The following THBS2 variants were observed in gnomAD, a reference collection of about 807,000 sequenced individuals.
THBS2 encodes the protein thrombospondin 2.
A neutral mutation model predicts 135.2 loss-of-function variants in THBS2; 47 were observed. The observed-to-expected ratio is 0.35, with a 90% CI of 0.28 to 0.44. THBS2 has a LOEUF of 0.44. Ranked by LOEUF, THBS2 falls within the 20% of genes least tolerant of loss-of-function variation. The pLI is 1.00. For synonymous variants in THBS2, 639 were observed against 633.8 expected (o/e 1.01, Z -0.12); for missense variants, 1,288 against 1,603.1 (o/e 0.80, Z 3.36).
chr6:169,217,778 C>T lies in THBS2; in HGVS notation c.*44G>A. ...CACAATGAACTGAGGTGTCTAGGGA[C>T]CATGGCATGCACAGGGCATTGCCGG... On this transcript the variant is annotated 3_prime_UTR_variant, in exon 22 of 22. Transcript: ENST00000617924. The T allele has an allele frequency of 6.2e-7, 1 of 1,607,948 alleles. No homozygotes were observed. The highest frequency in any genetic ancestry group is 8.5e-7 in the Non-Finnish European group (1 of 1,177,102).
chr6:169,218,618 AATGGATGGATGGATGAGATGG>A (rs1779281553), intron 21 of THBS2, among the ~76,000 whole-genome samples: 1 of 109,018 alleles, frequency 9.2e-6, no homozygotes, highest in African/African-American at 3.7e-5. Context: ...TGGATGGATG[AATGGATGGATGGATGAGATGG>A]ATGGTTGGGT....
Position 169,216,866 on chromosome 6 carries a change from C to T in THBS2, c.*956G>A, listed in dbSNP as rs1355888152. 6.6e-6 allele frequency: 1 copy of T among 152,164 alleles called. No individual in the cohort carries two copies. The highest frequency in any genetic ancestry group is 2.4e-5 in the African/African-American group (1 of 41,438). 9.4% of individuals were successfully genotyped at this position (152,164 alleles called of 1,614,324 possible). ...TAACTGGAACCTTAATGAAATGTAT[C>T]ATCAAATCAGGTAAAAGCAACTTGT... On this transcript the variant is annotated 3_prime_UTR_variant, in exon 22 of 22. Coordinates refer to ENST00000617924, the MANE Select transcript of THBS2 (RefSeq NM_003247.5).
intron 21 of THBS2, among the ~76,000 whole-genome samples, chr6:169,218,679 AGATGGATGGATGG>A (rs1779287108): frequency 7.7e-6 from 1 of 129,616 alleles, no homozygotes; most frequent in African/African-American, 3.1e-5. Flanking sequence ...GCGGATGAGT[AGATGGATGGATGG>A]GATGGATGGA....
At position 169,223,482 on chromosome 6, in the gene THBS2, A is replaced by C. The variant is rs1397075143; in HGVS notation, c.2774-7T>G. 1.9e-6 allele frequency: 3 copies of C among 1,609,526 alleles called. No homozygotes were observed. In the African/African-American group the frequency reaches 4.0e-5, roughly 22 times the overall value. Reference sequence around the variant, plus strand: ...ATATCACCCCGTCCATCACCTATGCACAAAGAACAAGCAAAAACAAAAACA... The same window carrying C: ...ATATCACCCCGTCCATCACCTATGCCCAAAGAACAAGCAAAAACAAAAACA... On this transcript the variant is annotated splice_polypyrimidine_tract_variant and splice_region_variant and intron_variant, in intron 17 of 21. Transcript: ENST00000617924.
chr6:169,232,523 C>A, intron 12 of THBS2, 141 bp downstream of exon 12: 1 of 1,400,770 alleles, frequency 7.1e-7, no homozygotes, highest in South Asian at 1.4e-5. Flanking sequence ...CGAGCAGGTG[C>A]TCAGCTTCCC....
At chr6:169,242,850 C>T (rs1780389375) in intron 4 of THBS2, among the ~76,000 whole-genome samples, 1 of 23,718 alleles carries the variant, frequency 4.2e-5, no homozygotes, top group Admixed American at 6.0e-4. Flanking sequence ...CTTCCCACTG[C>T]TCCCACCTTC....
chr6:169,226,240 C>G lies in THBS2; in HGVS notation c.2478G>C (p.Thr826=). Residue 826 remains threonine, a synonymous_variant, in exon 16 of 22, where the codon ACG becomes ACC. Coordinates refer to ENST00000617924, the MANE Select transcript of THBS2 (RefSeq NM_003247.5). ...AGTGATCCCCCACACCGTCACCATC[C>G]GTGTCCCTCTGGTCAGTGTTGTAGA... ...PYVYNTDQRD[T]DGDGVGDHCD... is the part of the protein sequence containing the mutation. 2 of 1,614,180 alleles carry G rather than the reference C, an allele frequency of 1.2e-6. No homozygotes were observed. The highest frequency in any genetic ancestry group is 1.7e-6 in the Non-Finnish European group (2 of 1,180,014).
At chr6:169,231,319 G>A (rs1334024923) in intron 13 of THBS2, among the ~76,000 whole-genome samples, 2 of 152,232 alleles carry the variant, frequency 1.3e-5, no homozygotes, top group East Asian at 3.9e-4. Context: ...GGGCCATGCA[G>A]CCACCAGCGC....
rs1468941528 is a variant in THBS2, at chr6:169,222,113, C to G, written c.3273+84G>C. The stretch of plus-strand genomic sequence containing the variant: ...AAATTAATAAAGACAAAAGTGGGGT[C>G]TCTGGACTGGGCTAGTCCTGCTGAA... On this transcript the variant is annotated intron_variant, in intron 19 of 21. Coordinates refer to ENST00000617924, the MANE Select transcript of THBS2 (RefSeq NM_003247.5). 18 of 1,462,440 alleles carry G rather than the reference C, an allele frequency of 1.2e-5. No homozygotes were observed. In the East Asian group the frequency reaches 3.7e-4, roughly 30 times the overall value. 90.6% of individuals were successfully genotyped at this position (1,462,440 alleles called of 1,614,324 possible).
At chr6:169,217,889 T>G (rs1162770980) in intron 21 of THBS2, 60 bp from the exon 22 acceptor site, 13 of 1,515,720 alleles carry the variant, frequency 8.6e-6, no homozygotes, top group Non-Finnish European at 1.2e-5. Flanking sequence ...GGGTAGTGAT[T>G]TATTTTGTTT....
rs766589309 is a variant in THBS2 at position 169,222,424 on chromosome 6, C to T, written c.3046G>A (p.Val1016Ile). 2.4e-5 allele frequency: 39 copies of T among 1,613,646 alleles called. No individual in the cohort carries two copies. In the East Asian group the frequency reaches 2.4e-4, roughly 10 times the overall value. The change falls in exon 19 of 22, where the codon GTA becomes ATA. Residue 1016 changes from valine to isoleucine, a missense_variant. Val to Ile is a conservative substitution (Grantham distance 29). Coordinates refer to ENST00000617924, the MANE Select transcript of THBS2 (RefSeq NM_003247.5). ...TAGTCGTCGTCCCGGTCAGTGTTTA[C>T]GTAGAATGTGCCACTGAAGTCCACA... ...GSVDFSGTFY[V>I]NTDRDDDYAG... is the part of the protein sequence containing the mutation.
intron 2 of THBS2, 48 bp from the exon 3 acceptor site, chr6:169,249,021 G>T: frequency 6.5e-7 from 1 of 1,538,592 alleles, no homozygotes; most frequent in Non-Finnish European, 8.8e-7. Context: ...GGAAGAGGGC[G>T]AGGTTGGCCT....
rs1391628029 is a variant in THBS2, at chr6:169,240,534, A to G, written c.950T>C (p.Met317Thr). ...CCGGCCATCCTGCCAGCAAGCTGAC[A>G]TGTTCCTTGTCTTAGGAGGGCCACC... is the stretch of plus-strand genomic sequence containing the variant. ...LIGGPPKTRN[M>T]SACWQDGRFF... Residue 317 changes from methionine to threonine, a missense_variant, in exon 6 of 22, where the codon ATG becomes ACG. Physicochemically the swap from Met to Thr is moderately conservative, Grantham distance 81. This residue lies in a region of THBS2 where 414 missense variants were observed against 447.0 expected (regional missense o/e 0.93). Coordinates refer to ENST00000617924, the MANE Select transcript of THBS2 (RefSeq NM_003247.5). 11 of 1,613,926 alleles carry G rather than the reference A, an allele frequency of 6.8e-6. No homozygotes were observed. Among genetic ancestry groups the G allele is most frequent in the East Asian group, 2.2e-5 (1 of 44,892 alleles).
Position 169,232,053 on chromosome 6 carries a change from TC to T in THBS2, c.2077del (p.Glu693ArgfsTer57). ...GYAGDGLICG[E>X]DSDLDGWPNL... ...GGGCCAGCCGTCCAGGTCCGAGTCC[TC>T]CCCGCAGATGAGCCCGTCGCCCGCG... On this transcript the variant is annotated frameshift_variant, in exon 13 of 22. Coordinates refer to ENST00000617924, the MANE Select transcript of THBS2 (RefSeq NM_003247.5). LOFTEE classifies it high-confidence loss of function. 1 of 1,614,008 alleles carries T rather than the reference TC, an allele frequency of 6.2e-7. No homozygotes were observed. Among genetic ancestry groups the T allele is most frequent in the African/African-American group, 1.3e-5 (1 of 75,020 alleles).
intron 9 of THBS2, among the ~76,000 whole-genome samples, chr6:169,236,158 AC>A: frequency 1.2e-5 from 1 of 80,536 alleles, no homozygotes; most frequent in Non-Finnish European, 2.4e-5. Context: ...CCCCATCCAC[AC>A]TCACTCCCCA....
chr6:169,242,635 C>CCT (rs1283385135), intron 4 of THBS2, among the ~76,000 whole-genome samples: 3 of 23,436 alleles, frequency 1.3e-4, no homozygotes, highest in East Asian at 2.9e-3. Context: ...CTTCCCACCA[C>CCT]TCCCACCTTC....
At chr6:169,248,285 C>G (rs115872154) in intron 3 of THBS2, 132 bp downstream of exon 3, 130,121 of 1,060,204 alleles carry the variant, frequency 0.12, 9,598 homozygotes, top group Non-Finnish European at 0.14. Context: ...GAGCACATGC[C>G]GGGATGTGCA....
intron 21 of THBS2, among the ~76,000 whole-genome samples, chr6:169,218,087 AATGG>A (rs1216092784): frequency 2.8e-4 from 27 of 96,024 alleles, no homozygotes; most frequent in Non-Finnish European, 5.2e-4. Context: ...GGGTGGATGA[AATGG>A]GTGGGTGGAT....
intron 3 of THBS2, among the ~76,000 whole-genome samples, chr6:169,247,886 A>G (rs1013577301): frequency 5.9e-5 from 9 of 151,334 alleles, no homozygotes; most frequent in African/African-American, 9.7e-5. Context: ...GTGTGTTCAC[A>G]TGTATGTCTG....
Sources: allele counts gnomAD v4.1 joint callset (sites outside exome capture counted in the v4.1 genomes callset), GRCh38; gene constraint gnomAD v4.1.1; regional missense constraint gnomAD v4.1.1; transcripts MANE v1.5; gene names NCBI Gene and HGNC (gene_info 2026-07-23, HGNC 2026-07-21).